DCP2: variants seen among roughly 807,000 people sequenced by gnomAD.
The protein encoded by DCP2 is decapping mRNA 2.
DCP2 carries 30 observed loss-of-function variants against 56.1 expected under a neutral mutation model. That is an observed-to-expected ratio of 0.53 (90% CI 0.40 to 0.73). DCP2 has a LOEUF of 0.73. Among genes scored for constraint, DCP2 ranks in the 30% least tolerant of loss-of-function variants. The pLI is 0.00. For synonymous variants in DCP2, 197 were observed against 163.3 expected, an observed-to-expected ratio of 1.21 and a Z score of -1.57; for missense variants, 533 against 502.7, an observed-to-expected ratio of 1.06 and a Z score of -0.58.
At chr5:113,007,563 G>T (rs1749497847) in intron 8 of DCP2, among the ~76,000 whole-genome samples, 1 of 152,050 alleles carries the variant, frequency 6.6e-6, no homozygotes, top group Non-Finnish European at 1.5e-5. Context: ...ACCATGCCCG[G>T]ATAAGTTTTT....
intron 4 of DCP2, among the ~76,000 whole-genome samples, chr5:112,999,978 T>A (rs1329111567): frequency 1.3e-5 from 2 of 148,948 alleles, no homozygotes; most frequent in African/African-American, 2.5e-5. Flanking sequence ...GGAGAATTGC[T>A]TGAAACTGGG....
intron 8 of DCP2, among the ~76,000 whole-genome samples, chr5:113,004,625 T>C (rs1440819656): frequency 1.3e-5 from 2 of 152,222 alleles, no homozygotes. Flanking sequence ...TACACAGTTC[T>C]GTGTAACTAA....
chr5:113,004,413 A>T (rs778750514), intron 8 of DCP2, among the ~76,000 whole-genome samples: 3 of 152,260 alleles, frequency 2.0e-5, no homozygotes, highest in Admixed American at 2.0e-4. Context: ...GTAACAGCGT[A>T]TTGTAAACTT....
At chr5:113,000,574 A>G (rs2150183271) in intron 4 of DCP2, among the ~76,000 whole-genome samples, 1 of 152,332 alleles carries the variant, frequency 6.6e-6, no homozygotes, top group African/African-American at 2.4e-5. Context: ...TTTATTAATC[A>G]AAAACATTAT....
chr5:113,008,734 T>C (rs1749550577), intron 9 of DCP2, among the ~76,000 whole-genome samples: 1 of 152,214 alleles, frequency 6.6e-6, no homozygotes, highest in South Asian at 2.1e-4. Flanking sequence ...ACCTTTATTA[T>C]TTCTCTTCTG....
At position 113,019,661 on chromosome 5, in the gene DCP2, GA is replaced by G. The variant is rs1318776588; in HGVS notation, c.*6179del. The G allele has an allele frequency of 6.6e-5, 10 of 152,086 alleles. No homozygotes were observed. Among genetic ancestry groups the G allele is most frequent in the Non-Finnish European group, 1.2e-4 (8 of 68,006 alleles). The allele number at this position is 152,086 out of a possible 1,614,324, so 9.4% of individuals were successfully genotyped here. A position where few individuals can be genotyped will look rare whatever the true frequency, so the allele number is the denominator to read the frequency against. ...AAACAGGGAAGGACAATAAAACCAT[GA>G]ACTATTTTGCTTTATGTCTGTTTTT... On this transcript the variant is annotated 3_prime_UTR_variant, in exon 11 of 11. Coordinates refer to ENST00000389063, the MANE Select transcript of DCP2 (RefSeq NM_152624.6).
chr5:112,989,919 A>T (rs571013077), intron 2 of DCP2, among the ~76,000 whole-genome samples: 23 of 137,374 alleles, frequency 1.7e-4, no homozygotes, highest in African/African-American at 7.3e-4. Context: ...TTTAGGAGGT[A>T]AGATTGGTGA....
At chr5:113,010,943 C>G in intron 10 of DCP2, 136 bp downstream of exon 10, 3 of 897,718 alleles carry the variant, frequency 3.3e-6, no homozygotes, top group Non-Finnish European at 4.9e-6. Context: ...AGAAAGAGTT[C>G]ATGTATGTAG....
At chr5:112,988,276 A>G (rs1748398978) in intron 2 of DCP2, among the ~76,000 whole-genome samples, 1 of 151,102 alleles carries the variant, frequency 6.6e-6, no homozygotes, top group Non-Finnish European at 1.5e-5. Context: ...AAGTCAGGAG[A>G]TCGAGACCAT....
chr5:112,980,867 CTTGTT>C (rs905848458), intron 1 of DCP2, among the ~76,000 whole-genome samples: 3 of 151,880 alleles, frequency 2.0e-5, no homozygotes, highest in Non-Finnish European at 2.9e-5. Context: ...GTGCCAGTTT[CTTGTT>C]TTATCAACTT....
chr5:112,988,853 G>C (rs1045632122), intron 2 of DCP2, among the ~76,000 whole-genome samples: 2 of 152,212 alleles, frequency 1.3e-5, no homozygotes, highest in South Asian at 4.1e-4. Flanking sequence ...TGGACTTACA[G>C]CCCTTCTAGG....
intron 4 of DCP2, among the ~76,000 whole-genome samples, chr5:112,993,345 G>C (rs1200792114): frequency 6.6e-6 from 1 of 151,730 alleles, no homozygotes; most frequent in African/African-American, 2.4e-5. Context: ...TTAAATTTTT[G>C]CTGTTATGGC....
chr5:112,986,097 T>C, intron 2 of DCP2, 111 bp downstream of exon 2: 2 of 1,093,414 alleles, frequency 1.8e-6, no homozygotes, highest in Non-Finnish European at 2.5e-6. Flanking sequence ...AAAAACATAC[T>C]TGATTGCTAA....
In DCP2 at chr5:113,022,101, C is replaced by A. The variant is rs1229207348; in HGVS notation, c.*8617C>A. 2.6e-5 allele frequency: 4 copies of A among 152,296 alleles called. No homozygotes were observed. The highest frequency in any genetic ancestry group is 9.7e-5 in the African/African-American group (4 of 41,414). The allele number at this position is 152,296 out of a possible 1,614,324, so 9.4% of individuals were successfully genotyped here. On this transcript the variant is annotated 3_prime_UTR_variant, in exon 11 of 11. Coordinates refer to ENST00000389063, the MANE Select transcript of DCP2 (RefSeq NM_152624.6). ...CCCTTTAAATAACACAGTTAAGGTA[C>A]ACTGTGGAATTAGAAATATTTATTC...
At chr5:113,006,444 C>T (rs1335386406) in intron 8 of DCP2, among the ~76,000 whole-genome samples, 4 of 152,018 alleles carry the variant, frequency 2.6e-5, no homozygotes, top group African/African-American at 9.7e-5. Flanking sequence ...TATTTTGTAC[C>T]ACAATTAAAA....
intron 4 of DCP2, among the ~76,000 whole-genome samples, chr5:112,994,151 CTTTTTTTCTTTCTTT>C (rs1748732391): frequency 7.2e-6 from 1 of 139,232 alleles, no homozygotes; most frequent in Non-Finnish European, 1.5e-5. Flanking sequence ...AAGTTCATTC[CTTTTTTTCTTTCTTT>C]TTTTTTTTTT....
intron 1 of DCP2, among the ~76,000 whole-genome samples, chr5:112,977,801 G>A (rs1444706247): frequency 1.3e-5 from 2 of 152,056 alleles, no homozygotes; most frequent in Non-Finnish European, 2.9e-5. Context: ...CGGAGTTGTC[G>A]CCAAGTGTGT....
chr5:112,984,703 A>AAAAATATATATATATATATATATATAT, intron 1 of DCP2: 5 of 64,852 alleles, frequency 7.7e-5, no homozygotes, highest in Non-Finnish European at 5.4e-5. Context: ...AAAAAAAAAA[A>AAAAATATATATATATATATATATATAT]ATATATATAT....
In DCP2 at chr5:113,016,677, C is replaced by CT. The variant is rs1417981972; in HGVS notation, c.*3194dup. The CT allele has an allele frequency of 6.6e-6, 1 of 152,144 alleles. No individual in the cohort carries two copies. Among genetic ancestry groups the CT allele is most frequent in the Non-Finnish European group, 1.5e-5 (1 of 68,030 alleles). 9.4% of individuals were successfully genotyped at this position (152,144 alleles called of 1,614,324 possible). ...TTGTATCCTATAGAAAAGTTAAGGT[C>CT]TGAGTGCATGTGTGCATTAAAAACA... On this transcript the variant is annotated 3_prime_UTR_variant, in exon 11 of 11. Transcript: ENST00000389063.
Sources: allele counts gnomAD v4.1 joint callset (sites outside exome capture counted in the v4.1 genomes callset), GRCh38; gene constraint gnomAD v4.1.1; transcripts MANE v1.5; gene names NCBI Gene and HGNC (gene_info 2026-07-23, HGNC 2026-07-21).